The following ZMYND11 variants were observed in gnomAD, a reference collection of about 807,000 sequenced individuals.
The protein encoded by ZMYND11 is zinc finger MYND-type containing 11.
In ZMYND11, 9 loss-of-function variants were observed where a neutral mutation model predicts 84.9. The ratio of observed to expected loss-of-function variants is 0.11; its 90% CI spans 0.06 to 0.18. The LOEUF is 0.18. Ranked by LOEUF, ZMYND11 falls within the 10% of genes least tolerant of loss-of-function variation. The pLI, the probability that ZMYND11 is intolerant of heterozygous loss-of-function variation, is 1.00. For missense variants in ZMYND11, 409 were observed against 761.0 expected, an observed-to-expected ratio of 0.54 and a Z score of 5.44; for synonymous variants, 250 against 244.1, an observed-to-expected ratio of 1.02 and a Z score of -0.23.
At chr10:185,402 C>T (rs186986457) in intron 2 of ZMYND11, among the ~76,000 whole-genome samples, 102 of 150,848 alleles carry the variant, frequency 6.8e-4, no homozygotes, top group African/African-American at 2.4e-3. Flanking sequence ...TGGTATTCTT[C>T]CAGTAACTCT....
intron 10 of ZMYND11, among the ~76,000 whole-genome samples, chr10:246,498 C>T (rs1347472226): frequency 6.6e-6 from 1 of 152,138 alleles, no homozygotes; most frequent in Non-Finnish European, 1.5e-5. Flanking sequence ...GTTCTGAGAA[C>T]TTTTGTCGAC....
intron 12 of ZMYND11, 42 bp downstream of exon 12, chr10:247,508 A>G (rs779015391): frequency 1.3e-6 from 2 of 1,584,362 alleles, no homozygotes; most frequent in East Asian, 2.3e-5. Flanking sequence ...CAAATGAAAC[A>G]GGAAATATTT....
At chr10:201,625 G>A (rs534010158) in intron 2 of ZMYND11, among the ~76,000 whole-genome samples, 204 of 69,988 alleles carry the variant, frequency 2.9e-3, no homozygotes, top group African/African-American at 0.01. Flanking sequence ...ATATGTATTC[G>A]TCTTGGAACT....
rs1481263900 is a variant in ZMYND11, at chr10:208,352, G to C, written c.117-1537G>C. On this transcript the variant is annotated intron_variant, in intron 2 of 14. Transcript: ENST00000381604. ...AAAGAAACTGCCATCAGAGTGAACA[G>C]GCAACCTACAAAATGGGAGAAAATT... Among the ~76,000 whole-genome samples, 6 of 152,150 alleles carry C rather than the reference G, an allele frequency of 3.9e-5. No homozygotes were observed. The South Asian group carries it at 6.2e-4, about 16-fold the overall frequency.
chr10:143,196 G>T (rs1161562718), intron 1 of ZMYND11, among the ~76,000 whole-genome samples: 1 of 152,186 alleles, frequency 6.6e-6, no homozygotes, highest in Non-Finnish European at 1.5e-5. Flanking sequence ...ATACCATTTT[G>T]TGAGAAGCGT....
chr10:151,489 A>G (rs1840355343), intron 1 of ZMYND11, among the ~76,000 whole-genome samples: 1 of 152,238 alleles, frequency 6.6e-6, no homozygotes, highest in Non-Finnish European at 1.5e-5. Context: ...AATGAATGAA[A>G]TAAATCCACA....
intron 1 of ZMYND11, among the ~76,000 whole-genome samples, chr10:153,510 C>A (rs567009340): frequency 6.6e-6 from 1 of 152,094 alleles, no homozygotes. Flanking sequence ...CGAAGAGTTT[C>A]CTTTTCTTTT....
At chr10:218,885 A>G (rs1359953350) in intron 3 of ZMYND11, among the ~76,000 whole-genome samples, 1 of 152,220 alleles carries the variant, frequency 6.6e-6, no homozygotes, top group African/African-American at 2.4e-5. Context: ...ACATGCCTGT[A>G]TGATTCATCC....
chr10:227,245 C>T (rs1471561416), intron 4 of ZMYND11, among the ~76,000 whole-genome samples: 1 of 152,188 alleles, frequency 6.6e-6, no homozygotes, highest in Non-Finnish European at 1.5e-5. Flanking sequence ...GTGGTTCTTC[C>T]ACGTTAGTAG....
intron 1 of ZMYND11, among the ~76,000 whole-genome samples, chr10:155,426 A>G (rs1019397193): frequency 6.6e-6 from 1 of 152,164 alleles, no homozygotes; most frequent in Non-Finnish European, 1.5e-5. Context: ...AAGCAGGAGG[A>G]TCTCTTGAGG....
At chr10:230,181 AAC>A (rs1337412778) in intron 4 of ZMYND11, among the ~76,000 whole-genome samples, 2 of 152,172 alleles carry the variant, frequency 1.3e-5, no homozygotes, top group Non-Finnish European at 2.9e-5. Flanking sequence ...GCTTATTTAA[AAC>A]ACAGTCTCCT....
At chr10:157,166 T>C (rs972620954) in intron 1 of ZMYND11, among the ~76,000 whole-genome samples, 3 of 152,210 alleles carry the variant, frequency 2.0e-5, no homozygotes, top group African/African-American at 7.2e-5. Flanking sequence ...TATATAATTC[T>C]CTCTAGTATA....
intron 8 of ZMYND11, among the ~76,000 whole-genome samples, 188 bp downstream of exon 8, chr10:240,299 A>C (rs1383694830): frequency 6.6e-6 from 1 of 152,138 alleles, no homozygotes; most frequent in Non-Finnish European, 1.5e-5. Context: ...AGATCAAGAG[A>C]TCGAGACCAT....
intron 14 of ZMYND11, among the ~76,000 whole-genome samples, chr10:250,112 T>G (rs888020008): frequency 6.6e-6 from 1 of 152,240 alleles, no homozygotes; most frequent in Admixed American, 6.5e-5. Flanking sequence ...ATTTCACTGC[T>G]GCTCGTAAGG....
chr10:186,631 C>G (rs554243677), intron 2 of ZMYND11, among the ~76,000 whole-genome samples: 1 of 121,372 alleles, frequency 8.2e-6, no homozygotes, highest in African/African-American at 3.1e-5. Flanking sequence ...GGGAACAGAG[C>G]AGGACTCTCT....
chr10:215,002 C>A (rs1206878837), intron 3 of ZMYND11, among the ~76,000 whole-genome samples: 1 of 152,160 alleles, frequency 6.6e-6, no homozygotes, highest in Non-Finnish European at 1.5e-5. Context: ...AGGCAGGTCA[C>A]CTTAAATGAT....
intron 4 of ZMYND11, among the ~76,000 whole-genome samples, chr10:229,950 C>T (rs924030526): frequency 1.3e-5 from 2 of 152,206 alleles, no homozygotes; most frequent in South Asian, 4.1e-4. Context: ...TAAAAAGCTC[C>T]TAGATCTCCT....
intron 3 of ZMYND11, among the ~76,000 whole-genome samples, chr10:217,268 T>A (rs986417051): frequency 3.3e-5 from 5 of 152,216 alleles, no homozygotes; most frequent in Non-Finnish European, 7.3e-5. Context: ...GTGCAGTAGC[T>A]CACACCTGTA....
intron 4 of ZMYND11, among the ~76,000 whole-genome samples, chr10:233,739 T>C (rs1589148635): frequency 1.3e-5 from 2 of 152,368 alleles, no homozygotes; most frequent in South Asian, 2.1e-4. Context: ...AAACTAGTTC[T>C]CAGCAAATTT....
Sources: allele counts gnomAD v4.1 joint callset (sites outside exome capture counted in the v4.1 genomes callset), GRCh38; gene constraint gnomAD v4.1.1; transcripts MANE v1.5; gene names NCBI Gene and HGNC (gene_info 2026-07-23, HGNC 2026-07-21).